CDC42EP3: variants seen among roughly 807,000 people sequenced by gnomAD.
CDC42EP3 encodes the protein CDC42 effector protein (Rho GTPase binding) 3.
A neutral mutation model predicts 15.5 loss-of-function variants in CDC42EP3; 4 were observed. That is an observed-to-expected ratio of 0.26 (90% CI 0.13 to 0.59). CDC42EP3 has a LOEUF of 0.59. Among genes scored for constraint, CDC42EP3 ranks in the 20% least tolerant of loss-of-function variants. CDC42EP3 has a pLI of 0.89. For missense variants in CDC42EP3, 309 were observed against 311.2 expected, an observed-to-expected ratio of 0.99 and a Z score of 0.05; for synonymous variants, 145 against 130.3, an observed-to-expected ratio of 1.11 and a Z score of -0.77.
chr2:37,650,963 C>A (rs1665654860), intron 1 of CDC42EP3, among the ~76,000 whole-genome samples: 1 of 152,186 alleles, frequency 6.6e-6, no homozygotes, highest in Admixed American at 6.5e-5. Context: ...CTGTTCAAAC[C>A]AGCACAGTTT....
At chr2:37,654,399 G>T (rs1665784109) in intron 1 of CDC42EP3, among the ~76,000 whole-genome samples, 1 of 152,116 alleles carries the variant, frequency 6.6e-6, no homozygotes, top group Non-Finnish European at 1.5e-5. Flanking sequence ...AATCTTAAGG[G>T]ATCTGAAGGA....
At chr2:37,652,641 T>G (rs1053010188) in intron 1 of CDC42EP3, among the ~76,000 whole-genome samples, 3 of 152,146 alleles carry the variant, frequency 2.0e-5, no homozygotes, top group African/African-American at 7.2e-5. Flanking sequence ...CACAGCTCAC[T>G]GCAGCATCGA....
At position 37,645,735 on chromosome 2, in the gene CDC42EP3, G is replaced by A. The variant is rs2231505; in HGVS notation, c.*88C>T. On this transcript the variant is annotated 3_prime_UTR_variant, in exon 2 of 2. Transcript: ENST00000295324. ...ATTTTAGAAAACCCAACACAAAACT[G>A]CAAATACAGCTCCGGAAGCCCTTCT... The A allele has an allele frequency of 1.1e-3, 1,193 of 1,043,816 alleles. 11 individuals carry two copies. The African/African-American group carries it at 0.016, about 14-fold the overall frequency. The allele number at this position is 1,043,816 out of a possible 1,614,324, so 64.7% of individuals were successfully genotyped here.
intron 1 of CDC42EP3, among the ~76,000 whole-genome samples, chr2:37,654,351 T>A (rs993318003): frequency 1.3e-5 from 2 of 152,146 alleles, no homozygotes; most frequent in Non-Finnish European, 2.9e-5. Flanking sequence ...GCTGAAGGAA[T>A]AGAGCAGCTT....
chr2:37,648,216 TC>T (rs1018567674), intron 1 of CDC42EP3, among the ~76,000 whole-genome samples: 1 of 152,192 alleles, frequency 6.6e-6, no homozygotes, highest in Non-Finnish European at 1.5e-5. Context: ...CTAAACCCTT[TC>T]CCACTGCAGG....
rs550976994 is a variant in CDC42EP3, at chr2:37,654,671, G to C, written c.-235-7849C>G. The stretch of plus-strand genomic sequence containing the variant: ...CCCATTTATTCTGAGTTTCCTGTAT[G>C]GGAACACGATCACTGCCAATTTCCT... On this transcript the variant is annotated intron_variant, in intron 1 of 1. Coordinates refer to ENST00000295324, the MANE Select transcript of CDC42EP3 (RefSeq NM_006449.5). Among the ~76,000 whole-genome samples, 118 of 152,246 alleles carry C rather than the reference G, an allele frequency of 7.8e-4. No individual in the cohort carries two copies. The Middle Eastern group carries it at 0.01, about 13-fold the overall frequency.
intron 1 of CDC42EP3, among the ~76,000 whole-genome samples, chr2:37,649,618 G>A (rs1399530614): frequency 6.6e-6 from 1 of 152,034 alleles, no homozygotes; most frequent in Non-Finnish European, 1.5e-5. Flanking sequence ...TGCTGAGGGT[G>A]CAGGGGAGGG....
Position 37,659,014 on chromosome 2 carries a change from C to A in CDC42EP3, c.-235-12192G>T, listed in dbSNP as rs1034253573. Among the ~76,000 whole-genome samples the A allele has an allele frequency of 2.0e-5, 3 of 152,242 alleles. No individual in the cohort carries two copies. In the East Asian group the frequency reaches 5.8e-4, roughly 29 times the overall value. The stretch of plus-strand genomic sequence containing the variant: ...TCAGCAATCTGGGGGGCCTGCCACA[C>A]TTGCAACTGAATCTCCTGCCAGTTC... On this transcript the variant is annotated intron_variant, in intron 1 of 1. Transcript: ENST00000295324.
At position 37,643,307 on chromosome 2, in the gene CDC42EP3, G is replaced by A. The variant is rs1313818813; in HGVS notation, c.*2516C>T. On this transcript the variant is annotated 3_prime_UTR_variant, in exon 2 of 2. Transcript: ENST00000295324. ...AGCAGTCCACCTGCTCTCAGGGGAA[G>A]GGACCAGGCATTGGAAAGGCTGCCT... is the stretch of plus-strand genomic sequence containing the variant. 6.6e-6 allele frequency: 1 copy of A among 152,212 alleles called. No homozygotes were observed. Among genetic ancestry groups the A allele is most frequent in the African/African-American group, 2.4e-5 (1 of 41,442 alleles). 9.4% of individuals were successfully genotyped at this position (152,212 alleles called of 1,614,324 possible). A position where few individuals can be genotyped will look rare whatever the true frequency, so the allele number is the denominator to read the frequency against.
chr2:37,645,965 G>C lies in CDC42EP3; in HGVS notation c.623C>G (p.Pro208Arg), dbSNP rs770347284. The part of the protein sequence containing the change: ...DWPAEDMFDH[P>R]TPCELIKGKT... ...TCCCTTGATGAGCTCGCATGGGGTG[G>C]GATGGTCAAACATGTCCTCGGCTGG... The change falls in exon 2 of 2, where the codon CCC (proline) becomes CGC (arginine). Residue 208 changes from proline (P) to arginine (R), a missense_variant. Transcript: ENST00000295324. 1.2e-6 allele frequency: 2 copies of C among 1,613,916 alleles called. No homozygotes were observed. The highest frequency in any genetic ancestry group is 1.7e-6 in the Non-Finnish European group (2 of 1,179,958).
At chr2:37,651,955 C>A (rs1665695304) in intron 1 of CDC42EP3, among the ~76,000 whole-genome samples, 1 of 151,834 alleles carries the variant, frequency 6.6e-6, no homozygotes, top group African/African-American at 2.4e-5. Flanking sequence ...GCGGGCAGAT[C>A]ACAAGATCAG....
At chr2:37,658,836 TGCCTCCCC>T (rs2124628242) in intron 1 of CDC42EP3, among the ~76,000 whole-genome samples, 1 of 152,348 alleles carries the variant, frequency 6.6e-6, no homozygotes, top group African/African-American at 2.4e-5. Flanking sequence ...CCTACCTCCC[TGCCTCCCC>T]GGTCCTTCCA....
At chr2:37,657,129 A>G (rs986121708) in intron 1 of CDC42EP3, among the ~76,000 whole-genome samples, 5 of 151,930 alleles carry the variant, frequency 3.3e-5, no homozygotes, top group Admixed American at 2.6e-4. Context: ...ACTGGGGACA[A>G]TAGCTCCCTA....
upstream of CDC42EP3, chr2:37,672,004 G>A (rs1342847275): frequency 1.3e-5 from 2 of 152,150 alleles, no homozygotes; most frequent in East Asian, 1.9e-4. Context: ...CGGGTGCACG[G>A]GGACAATAGG....
At chr2:37,663,861 C>T (rs547601245) in intron 1 of CDC42EP3, among the ~76,000 whole-genome samples, 1 of 152,220 alleles carries the variant, frequency 6.6e-6, no homozygotes, top group Admixed American at 6.5e-5. Flanking sequence ...TAATCAGCTG[C>T]CAGCGTGGCT....
intron 1 of CDC42EP3, among the ~76,000 whole-genome samples, chr2:37,655,207 C>G (rs538247715): frequency 6.6e-6 from 1 of 152,324 alleles, no homozygotes; most frequent in African/African-American, 2.4e-5. Context: ...TTAGCCAGAA[C>G]GAGCAGGCGG....
chr2:37,660,690 A>G (rs1475762918), intron 1 of CDC42EP3, among the ~76,000 whole-genome samples: 7 of 151,900 alleles, frequency 4.6e-5, no homozygotes, highest in African/African-American at 1.7e-4. Flanking sequence ...ACTTTTGTTC[A>G]TTTGGTTTTA....
chr2:37,646,490 G>C lies in CDC42EP3; in HGVS notation c.98C>G (p.Pro33Arg), dbSNP rs1389432801. The part of the protein sequence containing the change: ...RDILSPDMIS[P>R]PLGDFRHTIH... ...GGTGTGGCGAAAGTCTCCAAGCGGG[G>C]GACTGATCATATCAGGAGACAGAAT... is the stretch of plus-strand genomic sequence containing the variant. Residue 33 changes from proline (P) to arginine (R), a missense_variant, in exon 2 of 2, where the codon CCC (proline) becomes CGC (arginine). Coordinates refer to ENST00000295324, the MANE Select transcript of CDC42EP3 (RefSeq NM_006449.5). 1 of 1,613,442 alleles carries C rather than the reference G, an allele frequency of 6.2e-7. No individual in the cohort carries two copies. The highest frequency in any genetic ancestry group is 1.1e-5 in the South Asian group (1 of 90,980).
At chr2:37,646,894 G>A (rs1056872686) in intron 1 of CDC42EP3, 72 bp from the exon 2 acceptor site, 8 of 212,240 alleles carry the variant, frequency 3.8e-5, no homozygotes, top group Non-Finnish European at 6.9e-5. Flanking sequence ...CTTTTCACAA[G>A]AGCCTGTAAA....
Sources: gnomAD v4.1 joint callset for allele counts (sites outside exome capture counted in the v4.1 genomes callset) on GRCh38, gnomAD v4.1.1 for gene constraint, MANE v1.5 for transcripts, NCBI Gene and HGNC (gene_info 2026-07-23, HGNC 2026-07-21) for gene names.